RSU1: variants seen among roughly 807,000 people sequenced by gnomAD.
The protein encoded by RSU1 is Ras suppressor protein 1.
In RSU1, 26 loss-of-function variants were observed where a neutral mutation model predicts 31.1. The ratio of observed to expected loss-of-function variants is 0.84; its 90% CI spans 0.61 to 1.16. The LOEUF (loss-of-function observed/expected upper bound fraction) is 1.16. Ranked by LOEUF, RSU1 falls within the 50% of genes most tolerant of loss-of-function variation. The probability of loss-of-function intolerance (pLI) is 0.00; values close to 1 mark genes in which losing one functional copy is unlikely to be tolerated. For missense variants in RSU1, 320 were observed against 339.1 expected (o/e 0.94, Z 0.44); for synonymous variants, 164 against 136.3 (o/e 1.20, Z -1.41).
intron 2 of RSU1, among the ~76,000 whole-genome samples, chr10:16,802,931 G>A (rs1410808394): frequency 1.3e-5 from 2 of 152,156 alleles, no homozygotes; most frequent in East Asian, 1.9e-4. Flanking sequence ...GATACTTAAT[G>A]TTAAGGAACT....
chr10:16,760,612 T>A (rs1837192834), intron 4 of RSU1, among the ~76,000 whole-genome samples: 1 of 152,122 alleles, frequency 6.6e-6, no homozygotes, highest in Non-Finnish European at 1.5e-5. Context: ...AATTTGAGCT[T>A]ATTATCTTCT....
rs531272300 is a variant in RSU1, at chr10:16,746,157, A to G, written c.598+6382T>C. Reference sequence around the variant, plus strand: ...TAACATCCTTTACTCTCTGAAGGGGATTAGTATTTGTTTCCACTCTTCACA... The same window carrying G: ...TAACATCCTTTACTCTCTGAAGGGGGTTAGTATTTGTTTCCACTCTTCACA... On this transcript the variant is annotated intron_variant, in intron 7 of 8. Coordinates refer to ENST00000345264, the MANE Select transcript of RSU1 (RefSeq NM_012425.4). Among the ~76,000 whole-genome samples, 10 of 152,234 alleles carry G rather than the reference A, an allele frequency of 6.6e-5. No homozygotes were observed. The South Asian group carries it at 2.1e-3, about 32-fold the overall frequency.
intron 3 of RSU1, among the ~76,000 whole-genome samples, chr10:16,772,641 G>GAA (rs60460081): frequency 0.046 from 2,960 of 64,658 alleles, 113 homozygotes; most frequent in East Asian, 0.21. Flanking sequence ...AGTAGAATAT[G>GAA]AAAAAAAAAA....
intron 2 of RSU1, among the ~76,000 whole-genome samples, chr10:16,809,762 G>T (rs1838363741): frequency 6.6e-6 from 1 of 151,954 alleles, no homozygotes; most frequent in Non-Finnish European, 1.5e-5. Flanking sequence ...AATAATACAG[G>T]GTATGGTTTT....
intron 8 of RSU1, among the ~76,000 whole-genome samples, chr10:16,595,821 T>A (rs575315834): frequency 6.7e-6 from 1 of 148,338 alleles, no homozygotes; most frequent in South Asian, 2.1e-4. Context: ...AAGAAAAAAT[T>A]AGCTGCGCAT....
chr10:16,717,266 C>A (rs1836162735), intron 7 of RSU1, among the ~76,000 whole-genome samples: 1 of 151,982 alleles, frequency 6.6e-6, no homozygotes, highest in South Asian at 2.1e-4. Context: ...GGTGAGTGTG[C>A]AGATATTATG....
intron 8 of RSU1, among the ~76,000 whole-genome samples, chr10:16,677,117 G>T (rs1277944361): frequency 6.6e-6 from 1 of 152,044 alleles, no homozygotes; most frequent in Non-Finnish European, 1.5e-5. Flanking sequence ...TCCCTTTGAG[G>T]GTATCAACAT....
At chr10:16,727,127 C>G (rs1836414453) in intron 7 of RSU1, 2 of 456,470 alleles carry the variant, frequency 4.4e-6, no homozygotes, top group Non-Finnish European at 8.8e-6. Flanking sequence ...ATGCCTACCA[C>G]AAGGGAACAG....
At chr10:16,794,873 C>G (rs761076149) in intron 2 of RSU1, among the ~76,000 whole-genome samples, 17 of 152,186 alleles carry the variant, frequency 1.1e-4, no homozygotes, top group Non-Finnish European at 2.1e-4. Context: ...ACGCACAGTT[C>G]CTAGCAGGTG....
intron 8 of RSU1, among the ~76,000 whole-genome samples, chr10:16,651,007 T>G (rs1255246637): frequency 6.6e-6 from 1 of 152,198 alleles, no homozygotes; most frequent in Non-Finnish European, 1.5e-5. Flanking sequence ...GAGTATGGAA[T>G]TTAGATTTGA....
intron 8 of RSU1, among the ~76,000 whole-genome samples, chr10:16,688,650 A>C (rs1429306405): frequency 6.6e-6 from 1 of 152,164 alleles, no homozygotes. Context: ...ATTTATGAAG[A>C]AAATATATAT....
In RSU1 at chr10:16,695,162, G is replaced by GGGGGC. The variant is rs1554767092; in HGVS notation, c.599-8_599-7insGCCCC. The GGGGGC allele has an allele frequency of 4.7e-4, 696 of 1,478,880 alleles. 8 individuals are homozygous for GGGGGC. Among genetic ancestry groups the GGGGGC allele is most frequent in the Non-Finnish European group, 5.9e-4 (647 of 1,099,164 alleles). The allele number at this position is 1,478,880 out of a possible 1,614,324, so 91.6% of individuals were successfully genotyped here. ...CCAGTTAAATCCAAGTTTCCTGGGGGGGGGGAAAAAAAAAGTGAAGGTCAC... is the reference window on the plus strand; with the variant it reads ...CCAGTTAAATCCAAGTTTCCTGGGGGGGGGCGGGGGAAAAAAAAAGTGAAGGTCAC... On this transcript the variant is annotated splice_polypyrimidine_tract_variant and splice_region_variant and intron_variant, in intron 7 of 8. Coordinates refer to ENST00000345264, the MANE Select transcript of RSU1 (RefSeq NM_012425.4).
intron 2 of RSU1, among the ~76,000 whole-genome samples, chr10:16,802,455 A>T (rs1432996271): frequency 6.6e-6 from 1 of 152,110 alleles, no homozygotes; most frequent in Non-Finnish European, 1.5e-5. Flanking sequence ...AAGAGAAAGC[A>T]CTATGCCCAG....
intron 7 of RSU1, among the ~76,000 whole-genome samples, chr10:16,747,305 G>T (rs1219059238): frequency 2.0e-5 from 3 of 152,124 alleles, no homozygotes; most frequent in Non-Finnish European, 4.4e-5. Flanking sequence ...AACTATATAT[G>T]CAGCCTAGAC....
At chr10:16,790,198 G>A (rs955211066) in intron 2 of RSU1, among the ~76,000 whole-genome samples, 36 of 152,138 alleles carry the variant, frequency 2.4e-4, no homozygotes, top group Non-Finnish European at 1.9e-4. Flanking sequence ...ACTCACGCAG[G>A]CACTTATTGA....
At chr10:16,674,679 C>T (rs12219128) in intron 8 of RSU1, among the ~76,000 whole-genome samples, 86,643 of 151,856 alleles carry the variant, frequency 0.57, 25,048 homozygotes, top group African/African-American at 0.65. Context: ...AAAAACTTTG[C>T]TGAGATGGCA....
chr10:16,766,592 G>A (rs1248069853), intron 3 of RSU1, among the ~76,000 whole-genome samples: 2 of 152,144 alleles, frequency 1.3e-5, no homozygotes, highest in African/African-American at 4.8e-5. Context: ...GCAGACGCCT[G>A]TAATCCCAGC....
At chr10:16,719,434 G>T (rs1048682191) in intron 7 of RSU1, among the ~76,000 whole-genome samples, 1 of 152,028 alleles carries the variant, frequency 6.6e-6, no homozygotes, top group Non-Finnish European at 1.5e-5. Flanking sequence ...ACACACCATG[G>T]GCTGTCGCGC....
intron 7 of RSU1, among the ~76,000 whole-genome samples, chr10:16,720,272 A>C (rs1836226662): frequency 6.6e-6 from 1 of 152,250 alleles, no homozygotes; most frequent in South Asian, 2.1e-4. Flanking sequence ...GTTATGACAG[A>C]AAACATAGAG....
Sources: allele counts gnomAD v4.1 joint callset (sites outside exome capture counted in the v4.1 genomes callset), GRCh38; gene constraint gnomAD v4.1.1; transcripts MANE v1.5; gene names NCBI Gene and HGNC (gene_info 2026-07-23, HGNC 2026-07-21).